Variants in GNG7 observed in about 807,000 individuals in gnomAD.
GNG7 encodes the protein guanine nucleotide-binding protein G(I)/G(S)/G(O) subunit gamma-7.
Under a neutral mutation model 4.0 loss-of-function variants are expected in GNG7, and 1 was observed. The ratio of observed to expected loss-of-function variants is 0.25; its 90% CI spans 0.09 to 1.18. GNG7 has a LOEUF of 1.18. GNG7 is among the 50% of genes most tolerant of loss of function. The pLI is 0.50. For synonymous variants in GNG7, 34 were observed against 36.9 expected (o/e 0.92, Z 0.29); for missense variants, 86 against 91.9 (o/e 0.94, Z 0.26).
At chr19:2,608,669 G>A (rs1453461089) in intron 2 of GNG7, among the ~76,000 whole-genome samples, 1 of 152,204 alleles carries the variant, frequency 6.6e-6, no homozygotes, top group Admixed American at 6.5e-5. Flanking sequence ...TCTGCAGCAG[G>A]GGATGCAGAT....
chr19:2,606,788 A>C (rs953473475), intron 2 of GNG7, among the ~76,000 whole-genome samples: 15 of 152,126 alleles, frequency 9.9e-5, no homozygotes, highest in African/African-American at 3.4e-4. Context: ...CGGATGGTGC[A>C]GTCTCTTTGG....
intron 1 of GNG7, among the ~76,000 whole-genome samples, chr19:2,689,360 CG>C (rs1213057125): frequency 1.3e-5 from 2 of 151,700 alleles, no homozygotes; most frequent in African/African-American, 2.4e-5. Flanking sequence ...GGGCCGGGCT[CG>C]GTGGGCCTCC....
chr19:2,556,947 G>A (rs1434598816), intron 2 of GNG7, among the ~76,000 whole-genome samples: 1 of 152,074 alleles, frequency 6.6e-6, no homozygotes, highest in Non-Finnish European at 1.5e-5. Context: ...GAATCACTCC[G>A]TGTGAGATCC....
chr19:2,641,379 C>T (rs374523834), intron 2 of GNG7, among the ~76,000 whole-genome samples: 1 of 152,182 alleles, frequency 6.6e-6, no homozygotes, highest in Non-Finnish European at 1.5e-5. Context: ...AGTTAAGGAT[C>T]GTGAGATAGG....
chr19:2,587,097 A>T (rs993093007), intron 2 of GNG7, among the ~76,000 whole-genome samples: 2 of 151,574 alleles, frequency 1.3e-5, no homozygotes, highest in African/African-American at 4.9e-5. Context: ...TTGGCCCCAG[A>T]CGTCACCCGA....
intron 2 of GNG7, among the ~76,000 whole-genome samples, chr19:2,637,487 G>A (rs1296846707): frequency 1.3e-5 from 2 of 152,182 alleles, no homozygotes; most frequent in Non-Finnish European, 2.9e-5. Context: ...TGTGCCCGCA[G>A]GAGCCAAAGC....
At chr19:2,538,568 C>A in intron 3 of GNG7, 1 of 360,240 alleles carries the variant, frequency 2.8e-6, no homozygotes, top group Non-Finnish European at 5.4e-6. Flanking sequence ...GAGTTGGAAG[C>A]TGAAGTGAGC....
chr19:2,553,450 T>C (rs1001593430), intron 3 of GNG7, among the ~76,000 whole-genome samples: 3 of 147,866 alleles, frequency 2.0e-5, no homozygotes, highest in African/African-American at 4.9e-5. Flanking sequence ...ATATATTATA[T>C]GCAATATATT....
chr19:2,609,428 T>G lies in GNG7; in HGVS notation c.-78+36796A>C, dbSNP rs1406699634. Among the ~76,000 whole-genome samples the G allele has an allele frequency of 6.6e-6, 1 of 152,152 alleles. No individual in the cohort carries two copies. The highest frequency in any genetic ancestry group is 6.6e-5 in the Admixed American group (1 of 15,250). ...TGTGAATACATTGCTTGCCTGACCC[T>G]GGTCCTGCCCTGGGATTTGGGAGCC... On this transcript the variant is annotated intron_variant, in intron 2 of 4. Coordinates refer to ENST00000382159, the MANE Select transcript of GNG7 (RefSeq NM_052847.3). The surrounding 1 kb of genome is among the most constrained non-coding windows in gnomAD (Gnocchi z 4.4).
chr19:2,676,827 C>T (rs1232918065), intron 1 of GNG7, among the ~76,000 whole-genome samples: 2 of 152,050 alleles, frequency 1.3e-5, no homozygotes, highest in South Asian at 2.1e-4. Context: ...TTCAGCCGGG[C>T]GGGTGCAAGA....
At chr19:2,663,899 G>T (rs545769480) in intron 1 of GNG7, among the ~76,000 whole-genome samples, 11 of 152,314 alleles carry the variant, frequency 7.2e-5, no homozygotes, top group African/African-American at 2.4e-4. Flanking sequence ...GCACTGCACA[G>T]TGCTGAGTAG....
At chr19:2,536,603 T>C (rs965428833) in intron 3 of GNG7, among the ~76,000 whole-genome samples, 1 of 152,198 alleles carries the variant, frequency 6.6e-6, no homozygotes, top group African/African-American at 2.4e-5. Flanking sequence ...ACTGCCGCAC[T>C]GAAGCGTGTG....
rs1206200234 is a variant in GNG7 at position 2,513,281 on chromosome 19, TA to T, written c.*1740del. 2 of 362,862 alleles carry T rather than the reference TA, an allele frequency of 5.5e-6. No homozygotes were observed. The highest frequency in any genetic ancestry group is 4.4e-5 in the African/African-American group (2 of 45,272). 22.5% of individuals were successfully genotyped at this position (362,862 alleles called of 1,614,324 possible). The stretch of plus-strand genomic sequence containing the variant: ...CAGGAACCCTCTCGGCACGGGTTCT[TA>T]GACGCCTGTCTCCACTGGGGCCGGA... On this transcript the variant is annotated 3_prime_UTR_variant, in exon 5 of 5. Transcript: ENST00000382159.
intron 3 of GNG7, among the ~76,000 whole-genome samples, chr19:2,551,474 A>G (rs999745009): frequency 7.1e-6 from 1 of 140,068 alleles, no homozygotes; most frequent in Admixed American, 7.5e-5. Context: ...AACGCCAAAA[A>G]GCCCTGCCGT....
intron 1 of GNG7, among the ~76,000 whole-genome samples, chr19:2,665,864 T>G (rs766280593): frequency 6.6e-6 from 1 of 152,242 alleles, no homozygotes; most frequent in Non-Finnish European, 1.5e-5. Context: ...TTATTCTTTT[T>G]CAATTTATTT....
chr19:2,538,470 A>C (rs1366335676), intron 3 of GNG7: 4 of 348,746 alleles, frequency 1.1e-5, no homozygotes, highest in African/African-American at 8.7e-5. Context: ...CAAAAAAAAA[A>C]AAAAAAAAAA....
Position 2,609,503 on chromosome 19 carries a change from C to T in GNG7, c.-78+36721G>A, listed in dbSNP as rs1599420219. ...TTTAGCCGCTCACTTGCTGGAGGAC[C>T]TCAGGCTCTCTTCCGTGAGCCTTAT... On this transcript the variant is annotated intron_variant, in intron 2 of 4. Coordinates refer to ENST00000382159, the MANE Select transcript of GNG7 (RefSeq NM_052847.3). This position sits in a 1 kb window ranked among gnomAD's most constrained non-coding sequence, Gnocchi z 4.4. 6.6e-6 allele frequency among the ~76,000 whole-genome samples: 1 copy of T among 152,140 alleles called. No individual in the cohort carries two copies. The highest frequency in any genetic ancestry group is 1.9e-4 in the East Asian group (1 of 5,200).
chr19:2,526,790 G>A (rs1284365493), intron 3 of GNG7, among the ~76,000 whole-genome samples: 3 of 149,962 alleles, frequency 2.0e-5, no homozygotes, highest in East Asian at 3.9e-4. Flanking sequence ...TTTTATATCT[G>A]TATATATGTA....
chr19:2,538,460 CAAAAAAAA>C (rs397859757), intron 3 of GNG7: 30 of 179,848 alleles, frequency 1.7e-4, no homozygotes, highest in South Asian at 9.4e-4. Context: ...CCCGTCTCTG[CAAAAAAAA>C]AAAAAAAAAA....
Sources: allele counts gnomAD v4.1 joint callset (sites outside exome capture counted in the v4.1 genomes callset), GRCh38; gene constraint gnomAD v4.1.1; non-coding constraint Gnocchi (gnomAD v3.1); transcripts MANE v1.5; gene names NCBI Gene and HGNC (gene_info 2026-07-23, HGNC 2026-07-21).